SLC16A10: variants seen among roughly 807,000 people sequenced by gnomAD.
SLC16A10 encodes solute carrier family 16 member 10, also known as monocarboxylate transporter 10.
In SLC16A10, 27 loss-of-function variants were observed where a neutral mutation model predicts 40.0. The ratio of observed to expected loss-of-function variants is 0.67; its 90% CI spans 0.50 to 0.93. The LOEUF (loss-of-function observed/expected upper bound fraction) is 0.93, where lower values mean the gene tolerates loss of function less well. Ranked by LOEUF, SLC16A10 falls within the 40% of genes least tolerant of loss-of-function variation. The pLI is 0.00. For synonymous variants in SLC16A10, 213 were observed against 249.8 expected, an observed-to-expected ratio of 0.85 and a Z score of 1.39; for missense variants, 529 against 658.2, an observed-to-expected ratio of 0.80 and a Z score of 2.15.
At chr6:111,182,528 T>C (rs1012354935) in intron 3 of SLC16A10, among the ~76,000 whole-genome samples, 1 of 151,896 alleles carries the variant, frequency 6.6e-6, no homozygotes, top group African/African-American at 2.4e-5. Flanking sequence ...GGTGGTTTCA[T>C]CCAGTCTCCT....
intron 1 of SLC16A10, among the ~76,000 whole-genome samples, chr6:111,122,804 A>G (rs1428224575): frequency 6.6e-6 from 1 of 152,126 alleles, no homozygotes; most frequent in Non-Finnish European, 1.5e-5. Flanking sequence ...CACCTCCCAG[A>G]CCCTGCCCTT....
rs1771069816 is a variant in SLC16A10, at chr6:111,229,572, AG to A, written c.*7339del. ...CATTTGAAACTATTTCGCAACTTTC[AG>A]GCTAAAATCAGAGTTTTGAGAGTCA... On this transcript the variant is annotated 3_prime_UTR_variant, in exon 6 of 6. Coordinates refer to ENST00000368851, the MANE Select transcript of SLC16A10 (RefSeq NM_018593.5). The A allele has an allele frequency of 6.6e-6, 1 of 152,242 alleles. No individual in the cohort carries two copies. The highest frequency in any genetic ancestry group is 2.4e-5 in the African/African-American group (1 of 41,470). The allele number at this position is 152,242 out of a possible 1,614,324, so 9.4% of individuals were successfully genotyped here. A position where few individuals can be genotyped will look rare whatever the true frequency, so the allele number is the denominator to read the frequency against.
At chr6:111,125,442 T>A (rs1037160193) in intron 1 of SLC16A10, among the ~76,000 whole-genome samples, 10 of 152,304 alleles carry the variant, frequency 6.6e-5, no homozygotes, top group Admixed American at 5.9e-4. Context: ...TATGGTAAGA[T>A]ATAACACCTT....
chr6:111,199,398 G>C lies in SLC16A10; in HGVS notation c.943-7194G>C, dbSNP rs529340457. 2.0e-5 allele frequency among the ~76,000 whole-genome samples: 3 copies of C among 151,290 alleles called. No individual in the cohort carries two copies. In the East Asian group the frequency reaches 5.8e-4, roughly 29 times the overall value. On this transcript the variant is annotated intron_variant, in intron 3 of 5. Coordinates refer to ENST00000368851, the MANE Select transcript of SLC16A10 (RefSeq NM_018593.5). ...TGCTTGAATCCGGGAGGTGGAGGTGGCAGTGAGCCGAGATCACACCATTGC... is the reference window on the plus strand; with the variant it reads ...TGCTTGAATCCGGGAGGTGGAGGTGCCAGTGAGCCGAGATCACACCATTGC...
chr6:111,096,030 A>C (rs990137927), intron 1 of SLC16A10, among the ~76,000 whole-genome samples: 2 of 152,194 alleles, frequency 1.3e-5, no homozygotes, highest in African/African-American at 4.8e-5. Flanking sequence ...TGCAACTTGC[A>C]CAGTATTAGG....
At chr6:111,102,737 C>G (rs952603385) in intron 1 of SLC16A10, among the ~76,000 whole-genome samples, 3 of 152,114 alleles carry the variant, frequency 2.0e-5, no homozygotes, top group Non-Finnish European at 4.4e-5. Context: ...TGTGATTCTT[C>G]CAGGTGACAT....
Position 111,224,594 on chromosome 6 carries a change from G to A in SLC16A10, c.*2359G>A, listed in dbSNP as rs1425967112. On this transcript the variant is annotated 3_prime_UTR_variant, in exon 6 of 6. Transcript: ENST00000368851. ...ACACTGAAAAAGTTCTATTGTAATA[G>A]ACTCATACGGAGAATACTCTGCTAT... The A allele has an allele frequency of 6.6e-6, 1 of 152,124 alleles. No homozygotes were observed. Among genetic ancestry groups the A allele is most frequent in the Non-Finnish European group, 1.5e-5 (1 of 68,026 alleles). The allele number at this position is 152,124 out of a possible 1,614,324, so 9.4% of individuals were successfully genotyped here. A position where few individuals can be genotyped will look rare whatever the true frequency, so the allele number is the denominator to read the frequency against.
chr6:111,202,687 G>A (rs1335632966), intron 3 of SLC16A10, among the ~76,000 whole-genome samples: 3 of 151,896 alleles, frequency 2.0e-5, no homozygotes, highest in Middle Eastern at 3.2e-3. Context: ...AGGAGTTCGA[G>A]ACCAGCCTGA....
intron 1 of SLC16A10, among the ~76,000 whole-genome samples, chr6:111,167,461 A>G (rs1005223846): frequency 6.6e-6 from 1 of 152,110 alleles, no homozygotes; most frequent in East Asian, 1.9e-4. Flanking sequence ...CCTAGTGGGC[A>G]TGAGTTCTGA....
chr6:111,098,169 G>T (rs567762344), intron 1 of SLC16A10, among the ~76,000 whole-genome samples: 1 of 152,144 alleles, frequency 6.6e-6, no homozygotes, highest in Non-Finnish European at 1.5e-5. Flanking sequence ...AGCCGGGCAT[G>T]GTGGCGCATG....
At chr6:111,161,851 G>C (rs1365990648) in intron 1 of SLC16A10, among the ~76,000 whole-genome samples, 2 of 151,960 alleles carry the variant, frequency 1.3e-5, no homozygotes, top group East Asian at 3.9e-4. Context: ...CCCAAACAAA[G>C]AAACCTCTGG....
At chr6:111,181,896 A>G (rs528035958) in intron 3 of SLC16A10, among the ~76,000 whole-genome samples, 2 of 152,304 alleles carry the variant, frequency 1.3e-5, no homozygotes, top group East Asian at 3.9e-4. Context: ...AACGATTCCT[A>G]GTAGCAGCTG....
intron 4 of SLC16A10, among the ~76,000 whole-genome samples, chr6:111,215,073 C>T (rs565502080): frequency 6.6e-5 from 10 of 151,768 alleles, no homozygotes; most frequent in East Asian, 1.9e-4. Flanking sequence ...GAGTCGAGAT[C>T]GCGCCACTGC....
chr6:111,145,043 G>C (rs1459927976), intron 1 of SLC16A10, among the ~76,000 whole-genome samples: 1 of 151,950 alleles, frequency 6.6e-6, no homozygotes, highest in Non-Finnish European at 1.5e-5. Flanking sequence ...ATGTTGCCCA[G>C]GCTGGTCTTG....
chr6:111,160,023 G>A (rs1407827933), intron 1 of SLC16A10, among the ~76,000 whole-genome samples: 1 of 151,942 alleles, frequency 6.6e-6, no homozygotes, highest in Non-Finnish European at 1.5e-5. Context: ...TTATATACAA[G>A]TTCTTACTAG....
In SLC16A10 at chr6:111,228,159, G is replaced by C. The variant is rs1186429779; in HGVS notation, c.*5924G>C. The C allele has an allele frequency of 6.6e-6, 1 of 152,148 alleles. No homozygotes were observed. Among genetic ancestry groups the C allele is most frequent in the Non-Finnish European group, 1.5e-5 (1 of 68,028 alleles). 9.4% of individuals were successfully genotyped at this position (152,148 alleles called of 1,614,324 possible). A position where few individuals can be genotyped will look rare whatever the true frequency, so the allele number is the denominator to read the frequency against. On this transcript the variant is annotated 3_prime_UTR_variant, in exon 6 of 6. Transcript: ENST00000368851. ...GAACACTTAGAATGCTTCGCCAGTG[G>C]CTTTTCAAGTTACACTGGAAGCTTG...
chr6:111,163,444 A>G (rs2475391), intron 1 of SLC16A10, among the ~76,000 whole-genome samples: 127,648 of 152,108 alleles, frequency 0.84, 53,710 homozygotes, highest in African/African-American at 0.86. Context: ...GAGCCACCGC[A>G]CCCGGCAACA....
chr6:111,195,143 C>T (rs993214114), intron 3 of SLC16A10, among the ~76,000 whole-genome samples: 6 of 152,106 alleles, frequency 3.9e-5, no homozygotes, highest in Admixed American at 3.9e-4. Context: ...TACCTATATA[C>T]ATAATGTTTT....
chr6:111,173,403 A>G (rs1402511251), intron 2 of SLC16A10: 1 of 152,476 alleles, frequency 6.6e-6, no homozygotes, highest in East Asian at 1.9e-4. Flanking sequence ...TTAAAATAAA[A>G]CTTAATGTCA....
Sources: gnomAD v4.1 joint callset for allele counts (sites outside exome capture counted in the v4.1 genomes callset) on GRCh38, gnomAD v4.1.1 for gene constraint, MANE v1.5 for transcripts, NCBI Gene and HGNC (gene_info 2026-07-23, HGNC 2026-07-21) for gene names.